UBE2E1: variants seen among roughly 807,000 people sequenced by gnomAD.
The protein encoded by UBE2E1 is ubiquitin conjugating enzyme E2 E1.
A neutral mutation model predicts 21.4 loss-of-function variants in UBE2E1; 6 were observed. The ratio of observed to expected loss-of-function variants is 0.28; its 90% CI spans 0.15 to 0.55. The LOEUF is 0.55. UBE2E1 is among the 20% of genes least tolerant of loss of function. The pLI is 0.93. For synonymous variants in UBE2E1, 87 were observed against 82.7 expected, an observed-to-expected ratio of 1.05 and a Z score of -0.28; for missense variants, 142 against 236.5, an observed-to-expected ratio of 0.60 and a Z score of 2.62.
intron 4 of UBE2E1, among the ~76,000 whole-genome samples, chr3:23,888,877 A>C (rs1172318818): frequency 6.6e-6 from 1 of 152,250 alleles, no homozygotes; most frequent in African/African-American, 2.4e-5. Context: ...TAAAATTGCT[A>C]AAGATGAAAT....
At chr3:23,840,151 T>C (rs886133395) in intron 3 of UBE2E1, among the ~76,000 whole-genome samples, 7 of 152,232 alleles carry the variant, frequency 4.6e-5, no homozygotes, top group African/African-American at 1.7e-4. Context: ...TTTGGATCTT[T>C]TTATAATTTC....
intron 3 of UBE2E1, among the ~76,000 whole-genome samples, chr3:23,866,651 G>T (rs912353214): frequency 2.2e-5 from 3 of 135,072 alleles, no homozygotes; most frequent in African/African-American, 8.4e-5. Flanking sequence ...GGGATTCTCT[G>T]CATTTTTGGA....
rs1288663292 is a variant in UBE2E1, at chr3:23,863,779, C to T, written c.204-23788C>T. Reference sequence around the variant, plus strand: ...TCCCGATCTCAGGTCATCCACCCACCTCAGCCTCCCAAAGTGCTGGGATTA... The same window carrying T: ...TCCCGATCTCAGGTCATCCACCCACTTCAGCCTCCCAAAGTGCTGGGATTA... On this transcript the variant is annotated intron_variant, in intron 3 of 5. Coordinates refer to ENST00000306627, the MANE Select transcript of UBE2E1 (RefSeq NM_003341.5). This position sits in a 1 kb window ranked among gnomAD's most constrained non-coding sequence, Gnocchi z 4.3. Among the ~76,000 whole-genome samples, 3 of 152,162 alleles carry T rather than the reference C, an allele frequency of 2.0e-5. No individual in the cohort carries two copies. The highest frequency in any genetic ancestry group is 7.2e-5 in the African/African-American group (3 of 41,422).
intron 4 of UBE2E1, chr3:23,888,223 T>G (rs1447037226): frequency 2.2e-6 from 1 of 456,964 alleles, no homozygotes; most frequent in Non-Finnish European, 4.4e-6. Context: ...TTTGGTCTTG[T>G]TCCTTTACCT....
intron 3 of UBE2E1, among the ~76,000 whole-genome samples, chr3:23,841,708 C>T (rs961503286): frequency 3.3e-5 from 5 of 152,090 alleles, no homozygotes; most frequent in Non-Finnish European, 7.4e-5. Context: ...CACCATTAAC[C>T]AAAACAAAAA....
chr3:23,831,225 C>A (rs1391177826), intron 3 of UBE2E1, among the ~76,000 whole-genome samples: 3 of 152,176 alleles, frequency 2.0e-5, no homozygotes, highest in African/African-American at 7.2e-5. Context: ...TCAGAAACAA[C>A]AGAAACCAGG....
rs1701460169 is a variant in UBE2E1, at chr3:23,891,467, C to T, written c.*861C>T. On this transcript the variant is annotated 3_prime_UTR_variant, in exon 6 of 6. Coordinates refer to ENST00000306627, the MANE Select transcript of UBE2E1 (RefSeq NM_003341.5). ...CCTATATTAGGATCTGTACTTTACA[C>T]AGCTGTAGATGAGGTATCCTAGAAA... is the stretch of plus-strand genomic sequence containing the variant. Among the ~76,000 whole-genome samples, 1 of 152,208 alleles carries T rather than the reference C, an allele frequency of 6.6e-6. No individual in the cohort carries two copies.
chr3:23,886,848 G>A (rs1701198163), intron 3 of UBE2E1, among the ~76,000 whole-genome samples: 1 of 152,180 alleles, frequency 6.6e-6, no homozygotes, highest in East Asian at 1.9e-4. Context: ...TGGGTGCGGT[G>A]GCACTCTAGA....
Position 23,816,679 on chromosome 3 carries a change from C to G in UBE2E1, c.203+5169C>G, listed in dbSNP as rs1210992892. 6.6e-6 allele frequency among the ~76,000 whole-genome samples: 1 copy of G among 152,062 alleles called. No individual in the cohort carries two copies. The highest frequency in any genetic ancestry group is 1.9e-4 in the East Asian group (1 of 5,192). On this transcript the variant is annotated intron_variant, in intron 3 of 5. Transcript: ENST00000306627. This position sits in a 1 kb window ranked among gnomAD's most constrained non-coding sequence, Gnocchi z 4.8. ...CAGAGATCGCACCACTGCACTCCAG[C>G]CTGGGCAACAAAGCGAGGCTCCATC...
chr3:23,834,671 G>A (rs1179382820), intron 3 of UBE2E1, among the ~76,000 whole-genome samples: 1 of 152,258 alleles, frequency 6.6e-6, no homozygotes, highest in South Asian at 2.1e-4. Flanking sequence ...TGAGGCTGCA[G>A]TGGGCTGTGA....
At chr3:23,811,601 C>T in intron 3 of UBE2E1, 91 bp downstream of exon 3, 4 of 1,266,506 alleles carry the variant, frequency 3.2e-6, no homozygotes, top group Non-Finnish European at 4.5e-6. Flanking sequence ...TTCTTTGATT[C>T]TTTGGCTAAT....
chr3:23,869,840 G>A (rs192043864), intron 3 of UBE2E1, among the ~76,000 whole-genome samples: 5 of 150,564 alleles, frequency 3.3e-5, no homozygotes, highest in East Asian at 2.0e-4. Context: ...GAATGATCCC[G>A]CCCAAATTAT....
intron 5 of UBE2E1, 79 bp from the exon 6 acceptor site, chr3:23,890,430 T>G: frequency 7.3e-7 from 1 of 1,378,234 alleles, no homozygotes; most frequent in South Asian, 1.3e-5. Flanking sequence ...CGTACGTATC[T>G]ACCCAAGCTG....
chr3:23,888,366 T>C, intron 4 of UBE2E1: 1 of 399,274 alleles, frequency 2.5e-6, no homozygotes, highest in Admixed American at 3.3e-5. Context: ...CAGATAAAAG[T>C]ACAACTGCAG....
In UBE2E1 at chr3:23,808,494, C is replaced by CT. The variant is rs570262551; in HGVS notation, c.152+1076dup. On this transcript the variant is annotated intron_variant, in intron 2 of 5. Transcript: ENST00000306627. The surrounding 1 kb of genome is among the most constrained non-coding windows in gnomAD (Gnocchi z 4.9). ...TTTTAAAATAAAGTAGAACATGAGA[C>CT]TTTAGATCTCTCCACTGAGTAGTGA... 6.6e-5 allele frequency among the ~76,000 whole-genome samples: 10 copies of CT among 152,246 alleles called. No homozygotes were observed. The East Asian group carries it at 1.9e-3, about 29-fold the overall frequency.
chr3:23,807,336 G>A lies in UBE2E1; in HGVS notation c.67G>A (p.Glu23Lys). The stretch of plus-strand genomic sequence containing the variant: ...ATCTTCGTCTTCCAACCAGCAAACC[G>A]AGAAAGAAACAAACACCCCCAAGAA... ...SSSSSSNQQT[E>K]KETNTPKKKE... Residue 23 changes from glutamate to lysine, a missense_variant, in exon 2 of 6, where the codon GAG (glutamate) becomes AAG (lysine). Coordinates refer to ENST00000306627, the MANE Select transcript of UBE2E1 (RefSeq NM_003341.5). 1 of 1,613,942 alleles carries A rather than the reference G, an allele frequency of 6.2e-7. No individual in the cohort carries two copies. Among genetic ancestry groups the A allele is most frequent in the East Asian group, 2.2e-5 (1 of 44,866 alleles).
At position 23,811,440 on chromosome 3, in the gene UBE2E1, T is replaced by C; in HGVS notation, c.153-20T>C. 1 of 1,614,120 alleles carries C rather than the reference T, an allele frequency of 6.2e-7. No homozygotes were observed. The highest frequency in any genetic ancestry group is 8.5e-7 in the Non-Finnish European group (1 of 1,179,940). On this transcript the variant is annotated intron_variant, in intron 2 of 5. Transcript: ENST00000306627. ...CCTTAATGCTTCTTGTGTTTGTCTT[T>C]CCCATTTCTCCCACTCCAGAATTCA...
rs543615387 is a variant in UBE2E1, at chr3:23,863,477, A to T, written c.204-24090A>T. On this transcript the variant is annotated intron_variant, in intron 3 of 5. Transcript: ENST00000306627. This position sits in a 1 kb window ranked among gnomAD's most constrained non-coding sequence, Gnocchi z 4.3. ...TTCAACCCCAGATGCCTTCACAATT[A>T]TCTAAAAGTCCTCAAAAGACATTCA... 1.3e-5 allele frequency among the ~76,000 whole-genome samples: 2 copies of T among 152,104 alleles called. No individual in the cohort carries two copies. Among genetic ancestry groups the T allele is most frequent in the East Asian group, 3.9e-4 (2 of 5,192 alleles).
intron 3 of UBE2E1, among the ~76,000 whole-genome samples, chr3:23,857,942 C>T (rs1414663313): frequency 1.3e-5 from 2 of 151,342 alleles, no homozygotes; most frequent in African/African-American, 2.4e-5. Context: ...CTCTGTCACC[C>T]AGGTTCAACC....
Sources: allele counts gnomAD v4.1 joint callset (sites outside exome capture counted in the v4.1 genomes callset), GRCh38; gene constraint gnomAD v4.1.1; non-coding constraint Gnocchi (gnomAD v3.1); transcripts MANE v1.5; gene names NCBI Gene and HGNC (gene_info 2026-07-23, HGNC 2026-07-21).